Variants in TFCP2L1 observed in about 807,000 individuals in gnomAD.
TFCP2L1 encodes transcription factor CP2 like 1.
Under a neutral mutation model 72.2 loss-of-function variants are expected in TFCP2L1, and 12 were observed. The observed-to-expected ratio is 0.17, with a 90% CI of 0.11 to 0.27. The LOEUF (loss-of-function observed/expected upper bound fraction) is 0.27. Among genes scored for constraint, TFCP2L1 ranks in the 10% least tolerant of loss-of-function variants. The pLI is 1.00. For synonymous variants in TFCP2L1, 260 were observed against 251.0 expected (o/e 1.04, Z -0.34); for missense variants, 488 against 624.6 (o/e 0.78, Z 2.33).
intron 8 of TFCP2L1, among the ~76,000 whole-genome samples, chr2:121,238,700 T>G (rs1465761008): frequency 6.6e-6 from 1 of 151,924 alleles, no homozygotes. Flanking sequence ...CTTAACCCCC[T>G]TTTGTAGTAG....
Position 121,218,133 on chromosome 2 carries a change from C to G in TFCP2L1, c.*6208G>C, listed in dbSNP as rs1246369516. ...GTCAGCAGACTTTTTCTGTAACGGG[C>G]TAGACGGTAAATATTTTGGGCTTTC... On this transcript the variant is annotated 3_prime_UTR_variant, in exon 15 of 15. Transcript: ENST00000263707. The G allele has an allele frequency of 6.6e-6, 1 of 152,152 alleles. No individual in the cohort carries two copies. Among genetic ancestry groups the G allele is most frequent in the Non-Finnish European group, 1.5e-5 (1 of 68,036 alleles). 9.4% of individuals were successfully genotyped at this position (152,152 alleles called of 1,614,324 possible). A position where few individuals can be genotyped will look rare whatever the true frequency, so the allele number is the denominator to read the frequency against.
intron 2 of TFCP2L1, among the ~76,000 whole-genome samples, chr2:121,250,455 C>CAAAA (rs1206917382): frequency 6.7e-6 from 1 of 149,320 alleles, no homozygotes; most frequent in African/African-American, 2.5e-5. Flanking sequence ...AAATGTATCT[C>CAAAA]AAAAAATATA....
rs1323595067 is a variant in TFCP2L1 at position 121,218,085 on chromosome 2, G to A, written c.*6256C>T. The A allele has an allele frequency of 1.3e-5, 2 of 152,242 alleles. No homozygotes were observed. The highest frequency in any genetic ancestry group is 4.8e-5 in the African/African-American group (2 of 41,452). The allele number at this position is 152,242 out of a possible 1,614,324, so 9.4% of individuals were successfully genotyped here. A position where few individuals can be genotyped will look rare whatever the true frequency, so the allele number is the denominator to read the frequency against. On this transcript the variant is annotated 3_prime_UTR_variant, in exon 15 of 15. Coordinates refer to ENST00000263707, the MANE Select transcript of TFCP2L1 (RefSeq NM_014553.3). Reference sequence around the variant, plus strand: ...CTTTAAATAATCCAACAGGGATGGAGGTAATGGAGGTCTGGCTCAGTAGTC... The same window carrying A: ...CTTTAAATAATCCAACAGGGATGGAAGTAATGGAGGTCTGGCTCAGTAGTC...
Position 121,223,288 on chromosome 2 carries a change from G to C in TFCP2L1, c.*1053C>G, listed in dbSNP as rs1321345023. The C allele has an allele frequency of 1.4e-5, 2 of 147,560 alleles. No individual in the cohort carries two copies. The highest frequency in any genetic ancestry group is 4.9e-5 in the African/African-American group (2 of 40,616). 9.1% of individuals were successfully genotyped at this position (147,560 alleles called of 1,614,324 possible). On this transcript the variant is annotated 3_prime_UTR_variant, in exon 15 of 15. Transcript: ENST00000263707. ...TGACACTCAAATTTCCCGATAGTTAGGCCATTAAGAAAGATGATGCACCCA... is the reference window on the plus strand; with the variant it reads ...TGACACTCAAATTTCCCGATAGTTACGCCATTAAGAAAGATGATGCACCCA...
At chr2:121,248,954 C>T (rs1428928279) in intron 4 of TFCP2L1, 28 bp downstream of exon 4, 3 of 1,535,556 alleles carry the variant, frequency 2.0e-6, no homozygotes, top group Admixed American at 4.1e-5. Flanking sequence ...TCGAGCCTTG[C>T]CTGGCCTCTC....
intron 2 of TFCP2L1, among the ~76,000 whole-genome samples, chr2:121,279,747 G>C (rs1184614986): frequency 1.3e-5 from 2 of 152,202 alleles, no homozygotes; most frequent in South Asian, 2.1e-4. Flanking sequence ...CGACACCGCA[G>C]CTCCCCTGCA....
intron 11 of TFCP2L1, 49 bp from the exon 12 acceptor site, chr2:121,234,243 G>C: frequency 6.5e-7 from 1 of 1,539,232 alleles, no homozygotes; most frequent in Non-Finnish European, 9.0e-7. Flanking sequence ...ACCAGGCGCA[G>C]TTGTTTCAGA....
rs957934599 is a variant in TFCP2L1, at chr2:121,223,457, C to T, written c.*884G>A. The T allele has an allele frequency of 2.0e-5, 3 of 152,176 alleles. No individual in the cohort carries two copies. The highest frequency in any genetic ancestry group is 7.2e-5 in the African/African-American group (3 of 41,444). The allele number at this position is 152,176 out of a possible 1,614,324, so 9.4% of individuals were successfully genotyped here. On this transcript the variant is annotated 3_prime_UTR_variant, in exon 15 of 15. Coordinates refer to ENST00000263707, the MANE Select transcript of TFCP2L1 (RefSeq NM_014553.3). ...GGTCTTCTCTAACTTTCTATAAGTC[C>T]ATCCAAGAGGGCCTGGTATTGTGGT... is the stretch of plus-strand genomic sequence containing the variant.
At position 121,237,819 on chromosome 2, in the gene TFCP2L1, G is replaced by A. The variant is rs200387451; in HGVS notation, c.892C>T (p.Leu298=). The A allele has an allele frequency of 7.9e-5, 128 of 1,614,142 alleles. No individual in the cohort carries two copies. In the East Asian group the frequency reaches 2.3e-3, roughly 29 times the overall value. The change falls in exon 9 of 15, where the codon CTG becomes TTG. Residue 298 remains leucine, a synonymous_variant. Transcript: ENST00000263707. ...NASPTHPVEA[L]PVGSDHLLPS... is the part of the protein sequence containing the mutation. ...ACACTTACGTCACTGCCCACGGGCA[G>A]GGCCTCCACCGGGTGGGTCGGAGAG...
intron 2 of TFCP2L1, among the ~76,000 whole-genome samples, chr2:121,265,476 C>T (rs1176325115): frequency 6.6e-6 from 1 of 151,956 alleles, no homozygotes; most frequent in Non-Finnish European, 1.5e-5. Flanking sequence ...TGAATCATAT[C>T]ACAATAAAGC....
At position 121,241,134 on chromosome 2, in the gene TFCP2L1, G is replaced by A. The variant is rs530532709; in HGVS notation, c.768+1225C>T. Among the ~76,000 whole-genome samples, 8 of 152,298 alleles carry A rather than the reference G, an allele frequency of 5.3e-5. No individual in the cohort carries two copies. The East Asian group carries it at 1.5e-3, about 29-fold the overall frequency. ...CCACCAATCAGTCAGCCTGACTGCA[G>A]AACACAGTGGGAAAGAGTTGCACAA... On this transcript the variant is annotated intron_variant, in intron 7 of 14. Transcript: ENST00000263707.
At chr2:121,240,092 T>C (rs1004932695) in intron 7 of TFCP2L1, 47 of 984,996 alleles carry the variant, frequency 4.8e-5, no homozygotes, top group Non-Finnish European at 5.7e-5. Context: ...TAAGAGTCAG[T>C]ATTAAAACCT....
chr2:121,227,403 C>T (rs1049284948), intron 13 of TFCP2L1, among the ~76,000 whole-genome samples: 7 of 152,132 alleles, frequency 4.6e-5, no homozygotes, highest in Non-Finnish European at 7.3e-5. Flanking sequence ...ATAAACAGGC[C>T]GGGCGCGGTG....
intron 2 of TFCP2L1, among the ~76,000 whole-genome samples, chr2:121,252,478 A>C (rs1282572407): frequency 6.6e-6 from 1 of 152,236 alleles, no homozygotes; most frequent in Non-Finnish European, 1.5e-5. Flanking sequence ...TTATATTTGG[A>C]ATAGTAGTCT....
chr2:121,232,525 C>T (rs1466240649), intron 12 of TFCP2L1, among the ~76,000 whole-genome samples: 1 of 152,184 alleles, frequency 6.6e-6, no homozygotes, highest in African/African-American at 2.4e-5. Context: ...AGCCCAGTGA[C>T]ACCCAGATGG....
chr2:121,233,321 G>A (rs1295182654), intron 12 of TFCP2L1, among the ~76,000 whole-genome samples: 1 of 152,094 alleles, frequency 6.6e-6, no homozygotes, highest in Non-Finnish European at 1.5e-5. Flanking sequence ...TCCTGCCTCA[G>A]CTGGGATTAC....
At chr2:121,269,448 A>AAAC (rs1047604530) in intron 2 of TFCP2L1, among the ~76,000 whole-genome samples, 1 of 151,284 alleles carries the variant, frequency 6.6e-6, no homozygotes, top group Non-Finnish European at 1.5e-5. Context: ...GACCCTGTCA[A>AAAC]AACAACAACA....
intron 13 of TFCP2L1, 80 bp downstream of exon 13, chr2:121,231,746 G>C: frequency 6.4e-7 from 1 of 1,561,916 alleles, no homozygotes; most frequent in Non-Finnish European, 8.7e-7. Flanking sequence ...AAACCCAAGT[G>C]TGTTTCTGGG....
At position 121,225,225 on chromosome 2, in the gene TFCP2L1, T is replaced by G. The variant is rs544983003; in HGVS notation, c.1393+337A>C. 1.7e-3 allele frequency among the ~76,000 whole-genome samples: 254 copies of G among 152,180 alleles called. 1 individual carries two copies. The highest frequency in any genetic ancestry group is 5.8e-3 in the African/African-American group (241 of 41,514). On this transcript the variant is annotated intron_variant, in intron 14 of 14. Coordinates refer to ENST00000263707, the MANE Select transcript of TFCP2L1 (RefSeq NM_014553.3). Reference sequence around the variant, plus strand: ...CAGGCACACTGTCAGGTGGGCCCCCTCATCCCCCATCCCGACCCACGCTAC... The same window carrying G: ...CAGGCACACTGTCAGGTGGGCCCCCGCATCCCCCATCCCGACCCACGCTAC...
Sources: allele counts gnomAD v4.1 joint callset (sites outside exome capture counted in the v4.1 genomes callset), GRCh38; gene constraint gnomAD v4.1.1; transcripts MANE v1.5; gene names NCBI Gene and HGNC (gene_info 2026-07-23, HGNC 2026-07-21).